The following EEA1 variants were observed in gnomAD, a reference collection of about 807,000 sequenced individuals.
EEA1 encodes early endosome antigen 1.
In EEA1, 111 loss-of-function variants were observed where a neutral mutation model predicts 209.2. The ratio of observed to expected loss-of-function variants is 0.53; its 90% CI spans 0.45 to 0.62. The LOEUF (loss-of-function observed/expected upper bound fraction) is 0.62. Among genes scored for constraint, EEA1 ranks in the 20% least tolerant of loss-of-function variants. EEA1 has a pLI of 0.00. For synonymous variants in EEA1, 536 were observed against 540.6 expected, an observed-to-expected ratio of 0.99 and a Z score of 0.12; for missense variants, 1,343 against 1,530.8, an observed-to-expected ratio of 0.88 and a Z score of 2.05.
chr12:92,850,274 C>T (rs763934273), intron 9 of EEA1, among the ~76,000 whole-genome samples: 2 of 152,080 alleles, frequency 1.3e-5, no homozygotes, highest in Non-Finnish European at 2.9e-5. Context: ...ATATGCACAC[C>T]GTACACCACC....
Position 92,802,589 on chromosome 12 carries a change from C to A in EEA1, c.2485G>T (p.Glu829Ter), listed in dbSNP as rs748822663. 1 of 1,601,150 alleles carries A rather than the reference C, an allele frequency of 6.2e-7. No individual in the cohort carries two copies. The highest frequency in any genetic ancestry group is 8.5e-7 in the Non-Finnish European group (1 of 1,176,306). Residue 829 changes from glutamate (E) to a stop codon, truncating the protein, a stop_gained, in exon 19 of 29, where the codon GAA becomes TAA. Coordinates refer to ENST00000322349, the MANE Select transcript of EEA1 (RefSeq NM_003566.4). LOFTEE classifies it high-confidence loss of function. ...GTTGTTTGAATTCTGTTATTCAATT[C>A]CTCATGCTGAATCTTTGTTTCTTGA... The part of the protein sequence containing the change: ...LSQETKIQHE[E>*]LNNRIQTTVT...
At chr12:92,817,166 C>T (rs1053809672) in intron 14 of EEA1, among the ~76,000 whole-genome samples, 2 of 151,090 alleles carry the variant, frequency 1.3e-5, no homozygotes, top group Admixed American at 6.6e-5. Flanking sequence ...TAATACTATC[C>T]CATGGGTCAC....
chr12:92,845,318 T>G (rs1026072132), intron 9 of EEA1, among the ~76,000 whole-genome samples: 4 of 152,180 alleles, frequency 2.6e-5, no homozygotes, highest in Admixed American at 2.6e-4. Flanking sequence ...CCTTTTCTAT[T>G]GCACATTATG....
At chr12:92,877,065 T>A (rs1878931602) in intron 2 of EEA1, among the ~76,000 whole-genome samples, 1 of 150,092 alleles carries the variant, frequency 6.7e-6, no homozygotes, top group Non-Finnish European at 1.5e-5. Context: ...TGCCTCAGCC[T>A]CCCGAGTAGC....
At chr12:92,870,362 T>C (rs571469710) in intron 2 of EEA1, among the ~76,000 whole-genome samples, 83 of 152,322 alleles carry the variant, frequency 5.4e-4, no homozygotes, top group African/African-American at 1.9e-3. Context: ...ACCATAGTGA[T>C]TTTCAAAGAA....
At chr12:92,862,349 A>G (rs1878191225) in intron 3 of EEA1, among the ~76,000 whole-genome samples, 1 of 152,112 alleles carries the variant, frequency 6.6e-6, no homozygotes, top group Non-Finnish European at 1.5e-5. Flanking sequence ...CAATCCTAAC[A>G]CTTTGGCAGG....
At position 92,891,675 on chromosome 12, in the gene EEA1, G is replaced by C. The variant is rs1392109961; in HGVS notation, c.71C>G (p.Ala24Gly). The C allele has an allele frequency of 6.2e-7, 1 of 1,611,376 alleles. No homozygotes were observed. The highest frequency in any genetic ancestry group is 1.1e-5 in the South Asian group (1 of 90,526). ...GACGTCCACTGTGTTTATAGGAGTT[G>C]CTGATGAATCTAAATCAGAACCTTG... ...GSQGSDLDSS[A>G]TPINTVDVNN... The change falls in exon 2 of 29, where the codon GCA becomes GGA. Residue 24 changes from alanine (A) to glycine (G), a missense_variant. By Grantham distance (60) the Ala-to-Gly change is moderately conservative. Coordinates refer to ENST00000322349, the MANE Select transcript of EEA1 (RefSeq NM_003566.4).
intron 1 of EEA1, among the ~76,000 whole-genome samples, chr12:92,925,329 C>T (rs949868024): frequency 1.2e-4 from 18 of 152,198 alleles, no homozygotes; most frequent in Admixed American, 5.2e-4. Flanking sequence ...ATTCTCCCAC[C>T]TCAGTCTCCC....
chr12:92,925,108 C>T (rs1301417572), intron 1 of EEA1, among the ~76,000 whole-genome samples: 1 of 150,656 alleles, frequency 6.6e-6, no homozygotes, highest in East Asian at 1.9e-4. Context: ...GGACGCTAAA[C>T]TCCACAAAAA....
At chr12:92,860,883 T>TAA (rs1294239273) in intron 3 of EEA1, among the ~76,000 whole-genome samples, 1 of 138,912 alleles carries the variant, frequency 7.2e-6, no homozygotes, top group Non-Finnish European at 1.6e-5. Context: ...GGTTCTACCT[T>TAA]AAAAAAAAAA....
chr12:92,826,853 T>C (rs1334991663), intron 12 of EEA1, among the ~76,000 whole-genome samples: 1 of 152,186 alleles, frequency 6.6e-6, no homozygotes, highest in Non-Finnish European at 1.5e-5. Context: ...AGTTTATTAT[T>C]TTTTTGTAAA....
intron 2 of EEA1, among the ~76,000 whole-genome samples, chr12:92,875,492 C>T (rs761584183): frequency 2.6e-5 from 4 of 152,048 alleles, no homozygotes; most frequent in Non-Finnish European, 5.9e-5. Context: ...ATTAAATCCA[C>T]ATTGAAAATG....
At chr12:92,912,449 G>T (rs535813846) in intron 1 of EEA1, among the ~76,000 whole-genome samples, 1 of 152,178 alleles carries the variant, frequency 6.6e-6, no homozygotes. Flanking sequence ...CTTGTTGCTG[G>T]AAACTCCTCT....
At chr12:92,926,217 T>C (rs1881208872) in intron 1 of EEA1, among the ~76,000 whole-genome samples, 1 of 151,808 alleles carries the variant, frequency 6.6e-6, no homozygotes. Flanking sequence ...GGTCTCGAAC[T>C]CCCGACCTCA....
chr12:92,801,575 TTA>T (rs755667047), intron 20 of EEA1, 23 bp downstream of exon 20: 1 of 1,486,288 alleles, frequency 6.7e-7, no homozygotes, highest in South Asian at 1.3e-5. Flanking sequence ...TTTACAGATT[TTA>T]TGTTACAAAA....
intron 5 of EEA1, among the ~76,000 whole-genome samples, chr12:92,855,926 G>A (rs1313496241): frequency 7.2e-5 from 11 of 152,112 alleles, no homozygotes; most frequent in Admixed American, 6.5e-4. Context: ...TATAAAACAT[G>A]AGTAAATGAG....
At chr12:92,902,253 C>A (rs1178147286) in intron 1 of EEA1, among the ~76,000 whole-genome samples, 1 of 152,036 alleles carries the variant, frequency 6.6e-6, no homozygotes, top group African/African-American at 2.4e-5. Flanking sequence ...ACAAGGTACA[C>A]AATGGACCAA....
intron 2 of EEA1, among the ~76,000 whole-genome samples, chr12:92,875,508 A>T (rs1251043123): frequency 6.6e-6 from 1 of 152,142 alleles, no homozygotes; most frequent in Non-Finnish European, 1.5e-5. Flanking sequence ...AAATGCATCC[A>T]GAATCTCAGC....
In EEA1 at chr12:92,929,060, T is replaced by G; in HGVS notation, c.7A>C (p.Arg3=). ...TCTCTTACCCTCTGTAAAATCCTCC[T>G]TAACATGGTTTAACCACCACCCGGC... ML[R]RILQRTPGRV... Residue 3 remains arginine, a synonymous_variant, in exon 1 of 29, where the codon AGG becomes CGG. Coordinates refer to ENST00000322349, the MANE Select transcript of EEA1 (RefSeq NM_003566.4). 6.3e-7 allele frequency: 1 copy of G among 1,594,560 alleles called. No individual in the cohort carries two copies. The highest frequency in any genetic ancestry group is 1.1e-5 in the South Asian group (1 of 88,528).
Sources: allele counts gnomAD v4.1 joint callset (sites outside exome capture counted in the v4.1 genomes callset), GRCh38; gene constraint gnomAD v4.1.1; transcripts MANE v1.5; gene names NCBI Gene and HGNC (gene_info 2026-07-23, HGNC 2026-07-21).